TMEM266: variants seen among roughly 807,000 people sequenced by gnomAD.
The protein encoded by TMEM266 is transmembrane protein 266.
A neutral mutation model predicts 50.5 loss-of-function variants in TMEM266; 33 were observed. The ratio of observed to expected loss-of-function variants is 0.65; its 90% CI spans 0.50 to 0.87. The LOEUF is 0.87. Among genes scored for constraint, TMEM266 ranks in the 40% least tolerant of loss-of-function variants. The probability of loss-of-function intolerance (pLI) is 0.00; values close to 1 mark genes in which losing one functional copy is unlikely to be tolerated. For synonymous variants in TMEM266, 310 were observed against 292.3 expected (o/e 1.06, Z -0.62); for missense variants, 655 against 695.1 (o/e 0.94, Z 0.65).
At chr15:76,167,975 T>A (rs1201085116) in intron 5 of TMEM266, among the ~76,000 whole-genome samples, 1 of 152,206 alleles carries the variant, frequency 6.6e-6, no homozygotes, top group Non-Finnish European at 1.5e-5. Flanking sequence ...GGTCTGGCAT[T>A]CACAGACATA....
intron 1 of TMEM266, among the ~76,000 whole-genome samples, chr15:76,060,562 G>A (rs536886957): frequency 5.3e-5 from 8 of 152,312 alleles, no homozygotes; most frequent in African/African-American, 1.7e-4. Context: ...AGGGATGGTG[G>A]GTCTTCACCG....
At chr15:76,061,034 A>G (rs989902801) in intron 1 of TMEM266, among the ~76,000 whole-genome samples, 2 of 152,168 alleles carry the variant, frequency 1.3e-5, no homozygotes, top group Non-Finnish European at 2.9e-5. Context: ...GCATGTGTTT[A>G]TTTCCCTGGC....
At chr15:76,071,948 G>A (rs2036545420) in intron 1 of TMEM266, among the ~76,000 whole-genome samples, 1 of 151,960 alleles carries the variant, frequency 6.6e-6, no homozygotes, top group Non-Finnish European at 1.5e-5. Context: ...CCTTAATTGA[G>A]GTTCTTGAAA....
chr15:76,158,548 A>G (rs928954743), intron 4 of TMEM266, among the ~76,000 whole-genome samples: 1 of 152,200 alleles, frequency 6.6e-6, no homozygotes, highest in Middle Eastern at 3.2e-3. Context: ...AATTTTGCTT[A>G]AAATTAAGTA....
chr15:76,136,537 T>TA (rs2037590996), intron 2 of TMEM266, among the ~76,000 whole-genome samples: 1 of 152,194 alleles, frequency 6.6e-6, no homozygotes, highest in Non-Finnish European at 1.5e-5. Flanking sequence ...ATCTCAGTAT[T>TA]AAAACTGGGC....
At chr15:76,142,254 T>C (rs2037691157) in intron 3 of TMEM266, among the ~76,000 whole-genome samples, 1 of 152,212 alleles carries the variant, frequency 6.6e-6, no homozygotes, top group Admixed American at 6.5e-5. Context: ...CTGGGTGTGG[T>C]GGCGCATGCC....
chr15:76,144,767 T>C (rs575686403), intron 3 of TMEM266, among the ~76,000 whole-genome samples: 3 of 151,996 alleles, frequency 2.0e-5, no homozygotes, highest in Non-Finnish European at 2.9e-5. Flanking sequence ...ACAAAAACCT[T>C]CATGCGTGTC....
At chr15:76,141,181 T>G (rs960521042) in intron 3 of TMEM266, among the ~76,000 whole-genome samples, 7 of 151,790 alleles carry the variant, frequency 4.6e-5, no homozygotes, top group African/African-American at 1.7e-4. Flanking sequence ...ACATGCATTG[T>G]CCATGTGATT....
At chr15:76,071,830 G>A (rs2036544112) in intron 1 of TMEM266, among the ~76,000 whole-genome samples, 1 of 152,130 alleles carries the variant, frequency 6.6e-6, no homozygotes, top group South Asian at 2.1e-4. Context: ...CTAGAGCTGT[G>A]CTCAGTCTTA....
intron 1 of TMEM266, among the ~76,000 whole-genome samples, chr15:76,075,200 T>C (rs1474345121): frequency 1.3e-5 from 2 of 152,074 alleles, no homozygotes; most frequent in South Asian, 4.1e-4. Context: ...GATGACATTT[T>C]GAGCCATGAC....
intron 3 of TMEM266, 67 bp from the exon 4 acceptor site, chr15:76,156,537 G>C (rs1371838938): frequency 6.4e-7 from 1 of 1,551,762 alleles, no homozygotes; most frequent in Middle Eastern, 2.3e-4. Flanking sequence ...GCAGGGCTTT[G>C]GCCGGGGTCC....
intron 3 of TMEM266, among the ~76,000 whole-genome samples, chr15:76,155,820 A>G (rs1254488859): frequency 6.6e-6 from 1 of 152,198 alleles, no homozygotes; most frequent in Non-Finnish European, 1.5e-5. Flanking sequence ...CTTCCTTTTT[A>G]TAGCTGAAAA....
chr15:76,088,882 T>G (rs1280824272), intron 1 of TMEM266, among the ~76,000 whole-genome samples: 1 of 151,470 alleles, frequency 6.6e-6, no homozygotes, highest in African/African-American at 2.4e-5. Flanking sequence ...TCACTTGCAG[T>G]CAGGAGTTCA....
In TMEM266 at chr15:76,129,113, A is replaced by G. The variant is rs191007704; in HGVS notation, c.-96-5055A>G. On this transcript the variant is annotated intron_variant, in intron 1 of 10. Coordinates refer to ENST00000388942, the MANE Select transcript of TMEM266 (RefSeq NM_152335.3). ...GAAGCTGACCAATGAAAAAGGGACA[A>G]CAAAATTAAAATATCACCATTTTTG... 5.3e-3 allele frequency among the ~76,000 whole-genome samples: 805 copies of G among 152,336 alleles called. 6 individuals carry two copies. The highest frequency in any genetic ancestry group is 8.1e-3 in the Non-Finnish European group (549 of 68,030).
intron 1 of TMEM266, among the ~76,000 whole-genome samples, chr15:76,066,327 G>A (rs2036418180): frequency 1.3e-5 from 2 of 152,266 alleles, no homozygotes; most frequent in South Asian, 4.2e-4. Flanking sequence ...TTGGAACGAG[G>A]AGGGATATAT....
At position 76,168,532 on chromosome 15, in the gene TMEM266, A is replaced by G. The variant is rs936621606; in HGVS notation, c.457-1284A>G. Among the ~76,000 whole-genome samples the G allele has an allele frequency of 5.3e-5, 8 of 152,206 alleles. No homozygotes were observed. The highest frequency in any genetic ancestry group is 8.8e-5 in the Non-Finnish European group (6 of 68,036). On this transcript the variant is annotated intron_variant, in intron 5 of 10. Transcript: ENST00000388942. This position sits in a 1 kb window ranked among gnomAD's most constrained non-coding sequence, Gnocchi z 4.4. Reference sequence around the variant, plus strand: ...TGGCTCAAGGAAGAGCCTGCAGACAAATGCACCGGCATCTTACGAGACCAG... The same window carrying G: ...TGGCTCAAGGAAGAGCCTGCAGACAGATGCACCGGCATCTTACGAGACCAG...
chr15:76,131,647 T>C (rs2037511305), intron 1 of TMEM266, among the ~76,000 whole-genome samples: 1 of 152,240 alleles, frequency 6.6e-6, no homozygotes, highest in African/African-American at 2.4e-5. Context: ...TCCCAAATAC[T>C]ATAGAGGACA....
chr15:76,111,425 C>G (rs1179211154), intron 1 of TMEM266, among the ~76,000 whole-genome samples: 2 of 151,716 alleles, frequency 1.3e-5, no homozygotes, highest in Non-Finnish European at 2.9e-5. Context: ...CTTTGGCTAC[C>G]CTCTCCCGCT....
chr15:76,061,051 C>T (rs541666146), intron 1 of TMEM266, among the ~76,000 whole-genome samples: 48 of 152,296 alleles, frequency 3.2e-4, no homozygotes, highest in African/African-American at 1.1e-3. Flanking sequence ...TGGCTTTTCA[C>T]CTTGCTTTGA....
Sources: allele counts gnomAD v4.1 joint callset (sites outside exome capture counted in the v4.1 genomes callset), GRCh38; gene constraint gnomAD v4.1.1; non-coding constraint Gnocchi (gnomAD v3.1); transcripts MANE v1.5; gene names NCBI Gene and HGNC (gene_info 2026-07-23, HGNC 2026-07-21).